Variants in SRPK2 observed in about 807,000 individuals in gnomAD.
The protein encoded by SRPK2 is SFRS protein kinase 2.
A neutral mutation model predicts 90.8 loss-of-function variants in SRPK2; 21 were observed. The ratio of observed to expected loss-of-function variants is 0.23; its 90% CI spans 0.16 to 0.33. SRPK2 has a LOEUF of 0.33. Among genes scored for constraint, SRPK2 ranks in the 10% least tolerant of loss-of-function variants. The pLI is 1.00. For synonymous variants in SRPK2, 288 were observed against 311.1 expected (o/e 0.93, Z 0.78); for missense variants, 620 against 869.0 (o/e 0.71, Z 3.60).
intron 2 of SRPK2, among the ~76,000 whole-genome samples, chr7:105,249,383 A>G (rs1399116283): frequency 6.6e-6 from 1 of 152,186 alleles, no homozygotes; most frequent in Non-Finnish European, 1.5e-5. Flanking sequence ...GAACAGGAAA[A>G]TGCTCTGTAA....
intron 11 of SRPK2, among the ~76,000 whole-genome samples, chr7:105,138,148 G>A (rs553619362): frequency 3.9e-5 from 6 of 152,312 alleles, no homozygotes; most frequent in East Asian, 1.9e-4. Context: ...GGAAAAAAGC[G>A]GGAGAAAGGA....
chr7:105,247,811 T>C (rs1801909503), intron 2 of SRPK2, among the ~76,000 whole-genome samples: 1 of 152,072 alleles, frequency 6.6e-6, no homozygotes, highest in Non-Finnish European at 1.5e-5. Flanking sequence ...TCCTCTTGCC[T>C]TGTGACTCCC....
intron 2 of SRPK2, among the ~76,000 whole-genome samples, chr7:105,367,083 G>C (rs1304739498): frequency 6.8e-6 from 1 of 146,168 alleles, no homozygotes; most frequent in Non-Finnish European, 1.5e-5. Context: ...TTTTTTGTTT[G>C]TTTGTTTGTT....
intron 2 of SRPK2, among the ~76,000 whole-genome samples, chr7:105,378,516 G>A (rs1820570735): frequency 6.6e-6 from 1 of 152,104 alleles, no homozygotes; most frequent in South Asian, 2.1e-4. Flanking sequence ...TGTAATCCCA[G>A]CACTTTGGGA....
chr7:105,383,256 G>A (rs909721582), intron 2 of SRPK2, among the ~76,000 whole-genome samples: 1 of 150,186 alleles, frequency 6.7e-6, no homozygotes, highest in Non-Finnish European at 1.5e-5. Context: ...TTTTTTAGTA[G>A]AGACGGGGTT....
chr7:105,355,184 G>C (rs185391795), intron 2 of SRPK2, among the ~76,000 whole-genome samples: 2 of 152,154 alleles, frequency 1.3e-5, no homozygotes, highest in Admixed American at 1.3e-4. Context: ...CAACAATGTT[G>C]CTCTTTCAGT....
At chr7:105,154,972 C>T (rs1678995209) in intron 7 of SRPK2, among the ~76,000 whole-genome samples, 1 of 151,200 alleles carries the variant, frequency 6.6e-6, no homozygotes, top group Admixed American at 6.6e-5. Flanking sequence ...CGCACCTGGC[C>T]CACCCTTATT....
intron 2 of SRPK2, among the ~76,000 whole-genome samples, chr7:105,208,961 A>G (rs1413241158): frequency 6.6e-6 from 1 of 152,024 alleles, no homozygotes; most frequent in Non-Finnish European, 1.5e-5. Context: ...ATCTCTACAA[A>G]AACAACAATA....
At chr7:105,239,080 C>A (rs2237619) in intron 2 of SRPK2, among the ~76,000 whole-genome samples, 25,545 of 152,204 alleles carry the variant, frequency 0.17, 2,810 homozygotes, top group East Asian at 0.58. Flanking sequence ...ACAGCCATCC[C>A]TGGCAAACCA....
At chr7:105,115,794 C>G (rs1331780960), downstream of SRPK2, among the ~76,000 whole-genome samples, 1 of 152,114 alleles carries the variant, frequency 6.6e-6, no homozygotes, top group Non-Finnish European at 1.5e-5. Flanking sequence ...AAATTTCATT[C>G]AAGTATACTA....
chr7:105,355,683 C>G (rs1327419477), intron 2 of SRPK2, among the ~76,000 whole-genome samples: 1 of 152,078 alleles, frequency 6.6e-6, no homozygotes, highest in Admixed American at 6.6e-5. Context: ...CAAATCAACC[C>G]TGCTTAAACA....
At chr7:105,278,791 G>A (rs957929441) in intron 2 of SRPK2, among the ~76,000 whole-genome samples, 4 of 151,844 alleles carry the variant, frequency 2.6e-5, no homozygotes, top group East Asian at 1.9e-4. Context: ...AGGGGAAGGC[G>A]AAGGAAAGGA....
At chr7:105,396,804 AAGAAAGAAAGAGAGAAAGAG>A (rs1822341413) in intron 1 of SRPK2, among the ~76,000 whole-genome samples, 1 of 54,854 alleles carries the variant, frequency 1.8e-5, no homozygotes, top group Non-Finnish European at 4.6e-5. Flanking sequence ...GAGAAAGAGA[AAGAAAGAAAGAGAGAAAGAG>A]AGAGAGAGAG....
chr7:105,372,716 ATTT>A, intron 2 of SRPK2, among the ~76,000 whole-genome samples: 1 of 152,208 alleles, frequency 6.6e-6, no homozygotes, highest in Non-Finnish European at 1.5e-5. Context: ...CCAGGTAATG[ATTT>A]TTTTTAATAT....
chr7:105,296,567 T>A (rs973390416), intron 2 of SRPK2, among the ~76,000 whole-genome samples: 3 of 152,140 alleles, frequency 2.0e-5, no homozygotes, highest in Admixed American at 6.6e-5. Flanking sequence ...CTTAGAGGAA[T>A]TACAGTGAAA....
At chr7:105,215,350 C>A (rs1439972961) in intron 2 of SRPK2, among the ~76,000 whole-genome samples, 1 of 151,990 alleles carries the variant, frequency 6.6e-6, no homozygotes, top group South Asian at 2.1e-4. Context: ...GATAACGAGA[C>A]GTCAGTGACG....
chr7:105,307,794 A>G (rs1384274748), intron 2 of SRPK2, among the ~76,000 whole-genome samples: 1 of 152,194 alleles, frequency 6.6e-6, no homozygotes, highest in African/African-American at 2.4e-5. Flanking sequence ...ATCAGAAATA[A>G]CATACGCTTT....
intron 2 of SRPK2, among the ~76,000 whole-genome samples, chr7:105,252,209 C>G (rs1429204277): frequency 6.6e-6 from 1 of 152,070 alleles, no homozygotes; most frequent in Non-Finnish European, 1.5e-5. Context: ...TAACTGAGTG[C>G]AGTTTCCTTT....
chr7:105,195,223 G>A (rs1207720454), intron 3 of SRPK2, among the ~76,000 whole-genome samples: 1 of 151,854 alleles, frequency 6.6e-6, no homozygotes, highest in African/African-American at 2.4e-5. Context: ...CTAATTTTTT[G>A]TATCTTTAGT....
Sources: allele counts gnomAD v4.1 joint callset (sites outside exome capture counted in the v4.1 genomes callset), GRCh38; gene constraint gnomAD v4.1.1; transcripts MANE v1.5; gene names NCBI Gene and HGNC (gene_info 2026-07-23, HGNC 2026-07-21).